The following NAV3 variants were observed in gnomAD, a reference collection of about 807,000 sequenced individuals.
The protein encoded by NAV3 is pore membrane and/or filament interacting like protein 1.
In NAV3, 87 loss-of-function variants were observed where a neutral mutation model predicts 244.7. That is an observed-to-expected ratio of 0.36 (90% CI 0.30 to 0.42). The LOEUF is 0.42. Among genes scored for constraint, NAV3 ranks in the 20% least tolerant of loss-of-function variants. The pLI is 1.00. For synonymous variants in NAV3, 1,126 were observed against 1,042.2 expected, an observed-to-expected ratio of 1.08 and a Z score of -1.55; for missense variants, 2,663 against 2,893.3, an observed-to-expected ratio of 0.92 and a Z score of 1.83.
At chr12:78,205,524 T>G (rs1565803978) in intron 39 of NAV3, among the ~76,000 whole-genome samples, 1 of 152,054 alleles carries the variant, frequency 6.6e-6, no homozygotes, top group East Asian at 1.9e-4. Flanking sequence ...CATGGAGAAC[T>G]AAAAAATATT....
At chr12:78,185,217 G>A (rs1026005066) in intron 30 of NAV3, among the ~76,000 whole-genome samples, 3 of 151,756 alleles carry the variant, frequency 2.0e-5, no homozygotes, top group Non-Finnish European at 4.4e-5. Flanking sequence ...CATGGATATT[G>A]AGCTTGGATA....
intron 38 of NAV3, among the ~76,000 whole-genome samples, chr12:78,202,584 A>G (rs1408382237): frequency 6.6e-6 from 1 of 152,108 alleles, no homozygotes. Context: ...TTAGTTTCTC[A>G]AACTAAAACT....
At chr12:77,667,026 T>C (rs1489413635) in intron 2 of NAV3, among the ~76,000 whole-genome samples, 1 of 152,206 alleles carries the variant, frequency 6.6e-6, no homozygotes, top group African/African-American at 2.4e-5. Flanking sequence ...CAGTCCCATG[T>C]CCAAATCCGA....
chr12:78,085,948 CA>C (rs1274119066), intron 12 of NAV3, among the ~76,000 whole-genome samples: 1 of 152,066 alleles, frequency 6.6e-6, no homozygotes, highest in East Asian at 1.9e-4. Flanking sequence ...GTAAATTTGT[CA>C]GAGACAATGT....
chr12:77,842,113 A>G (rs1489689959), intron 1 of NAV3, among the ~76,000 whole-genome samples: 3 of 152,214 alleles, frequency 2.0e-5, no homozygotes, highest in Non-Finnish European at 2.9e-5. Context: ...ATTGTCAATA[A>G]GTTGTCCAGA....
intron 5 of NAV3, among the ~76,000 whole-genome samples, chr12:77,976,484 T>C (rs902339920): frequency 6.6e-5 from 10 of 150,798 alleles, no homozygotes; most frequent in African/African-American, 2.2e-4. Context: ...GGAAGAAAAG[T>C]AGAACTTGAT....
intron 22 of NAV3, among the ~76,000 whole-genome samples, chr12:78,155,551 G>A (rs1413514028): frequency 4.6e-5 from 7 of 151,868 alleles, no homozygotes; most frequent in South Asian, 2.1e-4. Flanking sequence ...TGGGATTACT[G>A]GGTCAATTTC....
intron 2 of NAV3, among the ~76,000 whole-genome samples, chr12:77,805,097 G>A (rs560461603): frequency 2.6e-4 from 40 of 152,192 alleles, no homozygotes; most frequent in Admixed American, 6.5e-4. Context: ...TAAATATACA[G>A]TCATGTCATC....
intron 3 of NAV3, among the ~76,000 whole-genome samples, chr12:77,948,678 T>A (rs1177883167): frequency 9.0e-6 from 1 of 111,018 alleles, no homozygotes; most frequent in Non-Finnish European, 1.8e-5. Context: ...TCTTTTTCAA[T>A]TGCCCCCCCA....
chr12:77,890,557 G>T (rs1479032), intron 1 of NAV3, among the ~76,000 whole-genome samples: 56,511 of 151,994 alleles, frequency 0.37, 11,056 homozygotes, highest in African/African-American at 0.51. Context: ...TTCCTACATG[G>T]TTATCAATAG....
chr12:77,791,808 C>T (rs1478033091), intron 2 of NAV3, among the ~76,000 whole-genome samples: 1 of 152,192 alleles, frequency 6.6e-6, no homozygotes, highest in African/African-American at 2.4e-5. Context: ...CTTGTTCATT[C>T]CCCAAACAAT....
intron 12 of NAV3, among the ~76,000 whole-genome samples, chr12:78,113,254 G>C (rs1005776138): frequency 3.3e-5 from 5 of 152,196 alleles, no homozygotes; most frequent in Admixed American, 3.3e-4. Context: ...ACCATTCTGT[G>C]GTCTGGAGGA....
At chr12:78,152,199 TTGAA>T (rs1275854535) in intron 22 of NAV3, among the ~76,000 whole-genome samples, 2 of 151,692 alleles carry the variant, frequency 1.3e-5, no homozygotes, top group Non-Finnish European at 2.9e-5. Flanking sequence ...AATGTACAAA[TTGAA>T]TGACAGTCAA....
upstream of NAV3, among the ~76,000 whole-genome samples, chr12:77,830,165 C>T (rs1013447691): frequency 6.6e-6 from 1 of 152,128 alleles, no homozygotes; most frequent in Non-Finnish European, 1.5e-5. Context: ...TAAAATAATT[C>T]TATGGATGGA....
At chr12:78,018,462 T>A (rs1045825433) in intron 8 of NAV3, among the ~76,000 whole-genome samples, 1 of 152,194 alleles carries the variant, frequency 6.6e-6, no homozygotes, top group African/African-American at 2.4e-5. Flanking sequence ...ACATTCCAAG[T>A]TTTCTTTTAC....
chr12:77,938,632 T>G (rs147018093), intron 1 of NAV3, among the ~76,000 whole-genome samples: 206 of 152,256 alleles, frequency 1.4e-3, no homozygotes, highest in African/African-American at 4.8e-3. Flanking sequence ...GACCCAAGAT[T>G]CATTCAAAAC....
chr12:78,128,836 G>A lies in NAV3; in HGVS notation c.4411G>A (p.Ala1471Thr), dbSNP rs377608925. The A allele has an allele frequency of 6.2e-7, 1 of 1,613,504 alleles. No individual in the cohort carries two copies. The highest frequency in any genetic ancestry group is 1.3e-5 in the African/African-American group (1 of 74,850). Residue 1471 changes from alanine to threonine, a missense_variant, in exon 18 of 40, where the codon GCA (alanine) becomes ACA (threonine). Physicochemically the swap from Ala to Thr is moderately conservative, Grantham distance 58. Around this residue, in one of 6 missense-constraint regions of NAV3, gnomAD observed 354 missense variants for 413.0 expected, o/e 0.86. Transcript: ENST00000397909. ...LVSPSAMSSS[A>T]AGKYHFSNLV... is the part of the protein sequence containing the mutation. ...TTCCCCTTCTGCCATGTCATCTTCT[G>A]CAGCTGGAAAATACCACTTTTCTAA...
chr12:77,941,196 T>G (rs1396318983), intron 3 of NAV3, 63 bp downstream of exon 3: 4 of 1,005,558 alleles, frequency 4.0e-6, no homozygotes, highest in Non-Finnish European at 6.0e-6. Flanking sequence ...TAATTGCATT[T>G]GTAAATGGAT....
chr12:78,201,195 G>A (rs953293860), intron 38 of NAV3, among the ~76,000 whole-genome samples: 4 of 150,232 alleles, frequency 2.7e-5, no homozygotes, highest in African/African-American at 7.3e-5. Context: ...TTCCAAGTAG[G>A]TGGGAGTATA....
Sources: allele counts gnomAD v4.1 joint callset (sites outside exome capture counted in the v4.1 genomes callset), GRCh38; gene constraint gnomAD v4.1.1; regional missense constraint gnomAD v4.1.1; transcripts MANE v1.5; gene names NCBI Gene and HGNC (gene_info 2026-07-23, HGNC 2026-07-21).